DGKD: variants seen among roughly 807,000 people sequenced by gnomAD.
DGKD encodes the protein diacylglycerol kinase delta.
In DGKD, 68 loss-of-function variants were observed where a neutral mutation model predicts 154.4. That is an observed-to-expected ratio of 0.44 (90% CI 0.36 to 0.54). The LOEUF (loss-of-function observed/expected upper bound fraction) is 0.54. Among genes scored for constraint, DGKD ranks in the 20% least tolerant of loss-of-function variants. DGKD has a pLI of 0.00. For synonymous variants in DGKD, 693 were observed against 638.0 expected (o/e 1.09, Z -1.30); for missense variants, 1,343 against 1,593.6 (o/e 0.84, Z 2.68).
At chr2:233,428,204 G>A (rs1305085753) in intron 3 of DGKD, among the ~76,000 whole-genome samples, 1 of 152,172 alleles carries the variant, frequency 6.6e-6, no homozygotes, top group African/African-American at 2.4e-5. Context: ...TCGCCAGGAG[G>A]GGTGTGCTGA....
intron 1 of DGKD, among the ~76,000 whole-genome samples, chr2:233,359,121 T>G (rs903010320): frequency 2.0e-5 from 3 of 152,234 alleles, no homozygotes; most frequent in Non-Finnish European, 4.4e-5. Context: ...AATGCCATTT[T>G]ATTGTCGGAT....
chr2:233,415,628 T>C (rs185115913), intron 3 of DGKD, among the ~76,000 whole-genome samples: 32 of 152,326 alleles, frequency 2.1e-4, no homozygotes, highest in Admixed American at 2.0e-3. Flanking sequence ...ATAGATACAT[T>C]AATTAATTAA....
intron 12 of DGKD, chr2:233,447,359 T>G (rs1401533771): frequency 1.4e-5 from 6 of 431,192 alleles, no homozygotes; most frequent in Non-Finnish European, 1.5e-5. Context: ...AGTTTCTATT[T>G]TGTGCTGGTG....
At chr2:233,365,110 T>C (rs1701959043) in intron 1 of DGKD, among the ~76,000 whole-genome samples, 1 of 152,132 alleles carries the variant, frequency 6.6e-6, no homozygotes, top group Admixed American at 6.5e-5. Context: ...TTAACACAAT[T>C]GTAAGGGAAA....
intron 3 of DGKD, among the ~76,000 whole-genome samples, chr2:233,425,521 T>A (rs2062266368): frequency 6.6e-6 from 1 of 152,162 alleles, no homozygotes; most frequent in Non-Finnish European, 1.5e-5. Flanking sequence ...ATTTTTGGAT[T>A]GGCAACACAT....
chr2:233,364,942 A>G (rs902892794), intron 1 of DGKD, among the ~76,000 whole-genome samples: 4 of 152,236 alleles, frequency 2.6e-5, no homozygotes, highest in Non-Finnish European at 5.9e-5. Flanking sequence ...CTATGCAAAC[A>G]CTAACCAAAA....
rs888749895 is a variant in DGKD at position 233,445,492 on chromosome 2, T to A, written c.1195-131T>A. On this transcript the variant is annotated intron_variant, in intron 10 of 29. Coordinates refer to ENST00000264057, the MANE Select transcript of DGKD (RefSeq NM_152879.3). The surrounding 1 kb of genome is among the most constrained non-coding windows in gnomAD (Gnocchi z 5.5). ...TGGGCTCTGCCTGTAATGTGTAAGC[T>A]GCGTGGTTTTAGGTCACGTCCCCAC... The A allele has an allele frequency of 7.8e-7, 1 of 1,278,656 alleles. No individual in the cohort carries two copies. The highest frequency in any genetic ancestry group is 1.5e-5 in the African/African-American group (1 of 64,920). 79.2% of individuals were successfully genotyped at this position (1,278,656 alleles called of 1,614,324 possible).
At chr2:233,391,022 C>T (rs1006767044) in intron 3 of DGKD, among the ~76,000 whole-genome samples, 7 of 152,182 alleles carry the variant, frequency 4.6e-5, no homozygotes, top group African/African-American at 1.2e-4. Flanking sequence ...TGTGAGCCAC[C>T]ACGCTTTGCT....
chr2:233,374,248 A>C (rs1314389863), intron 1 of DGKD, among the ~76,000 whole-genome samples: 9 of 152,038 alleles, frequency 5.9e-5, no homozygotes, highest in African/African-American at 2.2e-4. Flanking sequence ...ACAGGGTTTC[A>C]CCATGTTGGC....
At chr2:233,450,293 G>A (rs771565384) in intron 16 of DGKD, among the ~76,000 whole-genome samples, 162 bp downstream of exon 16, 2 of 152,086 alleles carry the variant, frequency 1.3e-5, no homozygotes, top group South Asian at 2.1e-4. Context: ...TGCATCTCCT[G>A]TGCGCGCCCT....
At chr2:233,416,964 T>TA (rs2061975356) in intron 3 of DGKD, among the ~76,000 whole-genome samples, 1 of 152,356 alleles carries the variant, frequency 6.6e-6, no homozygotes, top group South Asian at 2.1e-4. Flanking sequence ...ACCTTCCTGC[T>TA]ACGGTGTGCA....
chr2:233,388,394 G>A (rs574010646), intron 2 of DGKD, 27 bp downstream of exon 2: 21 of 1,599,382 alleles, frequency 1.3e-5, no homozygotes, highest in African/African-American at 1.1e-4. Flanking sequence ...GAAAGCACAC[G>A]CGAGGACATC....
At position 233,457,601 on chromosome 2, in the gene DGKD, G is replaced by A; in HGVS notation, c.2580+273G>A. 1 of 576,426 alleles carries A rather than the reference G, an allele frequency of 1.7e-6. No homozygotes were observed. The highest frequency in any genetic ancestry group is 1.8e-5 in the African/African-American group (1 of 54,232). 35.7% of individuals were successfully genotyped at this position (576,426 alleles called of 1,614,324 possible). On this transcript the variant is annotated intron_variant, in intron 21 of 29. Coordinates refer to ENST00000264057, the MANE Select transcript of DGKD (RefSeq NM_152879.3). This position sits in a 1 kb window ranked among gnomAD's most constrained non-coding sequence, Gnocchi z 5.5. ...ACGTGGAAGGAGGGTCAGGGAAGGT[G>A]TCTGGGAGGCCAAGACCTGAAGGAT...
Position 233,469,657 on chromosome 2 carries a change from C to G in DGKD, c.*197C>G, listed in dbSNP as rs985352757. 2.2e-5 allele frequency: 13 copies of G among 587,258 alleles called. No homozygotes were observed. The Admixed American group carries it at 3.9e-4, about 18-fold the overall frequency. 36.4% of individuals were successfully genotyped at this position (587,258 alleles called of 1,614,324 possible). ...ACCGTCCACCAGAGCTCTGGGGTCT[C>G]GAACATAACAACACAGCTACCTTTG... is the stretch of plus-strand genomic sequence containing the variant. On this transcript the variant is annotated 3_prime_UTR_variant, in exon 30 of 30. Coordinates refer to ENST00000264057, the MANE Select transcript of DGKD (RefSeq NM_152879.3).
chr2:233,464,430 T>A, intron 27 of DGKD, 147 bp downstream of exon 27: 1 of 1,005,676 alleles, frequency 9.9e-7, no homozygotes, highest in Non-Finnish European at 1.5e-6. Flanking sequence ...GACTTCGCTA[T>A]TAAAATGCTC....
chr2:233,369,340 G>A (rs1205786585), intron 1 of DGKD, among the ~76,000 whole-genome samples: 2 of 152,072 alleles, frequency 1.3e-5, no homozygotes, highest in Non-Finnish European at 2.9e-5. Flanking sequence ...TAATTTTTCC[G>A]TAGTGTGATT....
At chr2:233,429,150 G>A in intron 3 of DGKD, 8 of 985,316 alleles carry the variant, frequency 8.1e-6, no homozygotes, top group Non-Finnish European at 9.6e-6. Context: ...CTTCTCAAAC[G>A]CTGAGGCTGA....
intron 27 of DGKD, among the ~76,000 whole-genome samples, chr2:233,465,216 G>A (rs1277006813): frequency 1.3e-5 from 2 of 152,134 alleles, no homozygotes; most frequent in Non-Finnish European, 2.9e-5. Context: ...CATTGTAAAG[G>A]TGATTAAGAA....
intron 14 of DGKD, 144 bp downstream of exon 14, chr2:233,448,519 A>G (rs1219644016): frequency 1.1e-5 from 8 of 715,234 alleles, no homozygotes; most frequent in South Asian, 1.9e-5. Flanking sequence ...AAAGGAAGAC[A>G]AGAATGAAGC....
Sources: allele counts gnomAD v4.1 joint callset (sites outside exome capture counted in the v4.1 genomes callset), GRCh38; gene constraint gnomAD v4.1.1; non-coding constraint Gnocchi (gnomAD v3.1); transcripts MANE v1.5; gene names NCBI Gene and HGNC (gene_info 2026-07-23, HGNC 2026-07-21).